The following PARVA variants were observed in gnomAD, a reference collection of about 807,000 sequenced individuals.
PARVA encodes the protein parvin alpha.
Under a neutral mutation model 52.6 loss-of-function variants are expected in PARVA, and 25 were observed. The observed-to-expected ratio is 0.48, with a 90% CI of 0.35 to 0.66. PARVA has a LOEUF of 0.66. PARVA is among the 30% of genes least tolerant of loss of function. The pLI is 0.01. For synonymous variants in PARVA, 185 were observed against 179.1 expected, an observed-to-expected ratio of 1.03 and a Z score of -0.26; for missense variants, 373 against 450.9, an observed-to-expected ratio of 0.83 and a Z score of 1.56.
intron 1 of PARVA, among the ~76,000 whole-genome samples, chr11:12,398,644 T>C (rs1300963633): frequency 6.6e-6 from 1 of 151,650 alleles, no homozygotes; most frequent in Non-Finnish European, 1.5e-5. Flanking sequence ...GACATGTCAG[T>C]TCATTTCTCT....
In PARVA at chr11:12,533,015, G is replaced by A. The variant is rs912342070; in HGVS notation, c.*5090G>A. The stretch of plus-strand genomic sequence containing the variant: ...ATGTCATACCATGGTCCTGGCTGGG[G>A]AGCGGAGGAGACCAGGAGAGGAGAT... On this transcript the variant is annotated 3_prime_UTR_variant, in exon 13 of 13. Transcript: ENST00000334956. Among the ~76,000 whole-genome samples, 1 of 152,190 alleles carries A rather than the reference G, an allele frequency of 6.6e-6. No individual in the cohort carries two copies. Among genetic ancestry groups the A allele is most frequent in the African/African-American group, 2.4e-5 (1 of 41,434 alleles).
intron 10 of PARVA, among the ~76,000 whole-genome samples, chr11:12,515,978 A>C (rs1466912282): frequency 6.6e-6 from 1 of 152,180 alleles, no homozygotes; most frequent in Non-Finnish European, 1.5e-5. Flanking sequence ...CTGGGACTAC[A>C]GGCATGCACC....
rs1941752295 is a variant in PARVA at position 12,530,096 on chromosome 11, C to A, written c.*2171C>A. The A allele has an allele frequency of 6.6e-6, 1 of 152,028 alleles. No homozygotes were observed. The highest frequency in any genetic ancestry group is 1.5e-5 in the Non-Finnish European group (1 of 68,016). 9.4% of individuals were successfully genotyped at this position (152,028 alleles called of 1,614,324 possible). A position where few individuals can be genotyped will look rare whatever the true frequency, so the allele number is the denominator to read the frequency against. ...ATTCAAGTTACAAATGTACAAGTAT[C>A]CTTACTAAGAGTGCTCCTTTTGTAT... On this transcript the variant is annotated 3_prime_UTR_variant, in exon 13 of 13. Transcript: ENST00000334956.
At chr11:12,491,015 A>G (rs1045366669) in intron 4 of PARVA, among the ~76,000 whole-genome samples, 1 of 152,230 alleles carries the variant, frequency 6.6e-6, no homozygotes, top group African/African-American at 2.4e-5. Flanking sequence ...ATCCAAAAAA[A>G]AACAAGGCTG....
intron 1 of PARVA, among the ~76,000 whole-genome samples, chr11:12,443,783 T>G (rs1564848405): frequency 6.6e-6 from 1 of 152,166 alleles, no homozygotes; most frequent in South Asian, 2.1e-4. Context: ...TTAGGCAATA[T>G]GGCCACCATT....
At chr11:12,457,213 G>C (rs1229567284) in intron 1 of PARVA, among the ~76,000 whole-genome samples, 1 of 151,450 alleles carries the variant, frequency 6.6e-6, no homozygotes, top group African/African-American at 2.5e-5. Flanking sequence ...CAGAACGTCA[G>C]ACAGGCAGTT....
chr11:12,416,370 C>A (rs1474078414), intron 1 of PARVA, among the ~76,000 whole-genome samples: 1 of 152,186 alleles, frequency 6.6e-6, no homozygotes, highest in East Asian at 1.9e-4. Context: ...AACAGCCCCT[C>A]TGGTGGAAAT....
chr11:12,383,241 C>CT (rs1382673935), intron 1 of PARVA, among the ~76,000 whole-genome samples: 1 of 152,090 alleles, frequency 6.6e-6, no homozygotes, highest in East Asian at 1.9e-4. Context: ...TGTGTGGATT[C>CT]TTTCACTGCC....
intron 10 of PARVA, among the ~76,000 whole-genome samples, chr11:12,515,505 C>A (rs901451567): frequency 5.9e-5 from 9 of 152,168 alleles, no homozygotes; most frequent in Non-Finnish European, 1.0e-4. Context: ...GGGGTCACTG[C>A]CAAGCACTTT....
chr11:12,453,092 G>GC, intron 1 of PARVA: 2 of 453,506 alleles, frequency 4.4e-6, no homozygotes, highest in Middle Eastern at 3.3e-4. Flanking sequence ...TTGTTGGGGG[G>GC]GCGCCCTGGC....
chr11:12,428,491 C>G (rs1327207273), intron 1 of PARVA, among the ~76,000 whole-genome samples: 1 of 152,224 alleles, frequency 6.6e-6, no homozygotes, highest in Non-Finnish European at 1.5e-5. Context: ...TCTCAAGTCA[C>G]TATCTTTGAC....
At chr11:12,473,056 G>A (rs1458937798) in intron 1 of PARVA, among the ~76,000 whole-genome samples, 1 of 152,166 alleles carries the variant, frequency 6.6e-6, no homozygotes, top group African/African-American at 2.4e-5. Flanking sequence ...CTGTAAAAGA[G>A]CTTACTGTTC....
chr11:12,438,296 G>A (rs1388121012), intron 1 of PARVA, among the ~76,000 whole-genome samples: 1 of 151,936 alleles, frequency 6.6e-6, no homozygotes, highest in Non-Finnish European at 1.5e-5. Context: ...ACATAGACTG[G>A]TTTTTGGCTC....
rs376407382 is a variant in PARVA, at chr11:12,477,827, C to T, written c.298-20C>T. Reference sequence around the variant, plus strand: ...AACTCTTTTCTTACTATTGCACATTCCCTTTCTCTCTCTCTGTAGGTATTA... The same window carrying T: ...AACTCTTTTCTTACTATTGCACATTTCCTTTCTCTCTCTCTGTAGGTATTA... On this transcript the variant is annotated intron_variant, in intron 3 of 12. Coordinates refer to ENST00000334956, the MANE Select transcript of PARVA (RefSeq NM_018222.5). 2.3e-6 allele frequency: 3 copies of T among 1,290,230 alleles called. No individual in the cohort carries two copies. The highest frequency in any genetic ancestry group is 3.4e-6 in the Non-Finnish European group (3 of 884,336). The allele number at this position is 1,290,230 out of a possible 1,614,324, so 79.9% of individuals were successfully genotyped here. A position where few individuals can be genotyped will look rare whatever the true frequency, so the allele number is the denominator to read the frequency against.
At chr11:12,409,725 T>C (rs11601787) in intron 1 of PARVA, among the ~76,000 whole-genome samples, 1 of 152,236 alleles carries the variant, frequency 6.6e-6, no homozygotes, top group Admixed American at 6.5e-5. Flanking sequence ...TGCCAGCATG[T>C]TGATTTTAGC....
rs1050029907 is a variant in PARVA, at chr11:12,530,322, A to C, written c.*2397A>C. 6 of 152,202 alleles carry C rather than the reference A, an allele frequency of 3.9e-5. No homozygotes were observed. The highest frequency in any genetic ancestry group is 7.3e-5 in the Non-Finnish European group (5 of 68,040). 9.4% of individuals were successfully genotyped at this position (152,202 alleles called of 1,614,324 possible). A position where few individuals can be genotyped will look rare whatever the true frequency, so the allele number is the denominator to read the frequency against. On this transcript the variant is annotated 3_prime_UTR_variant, in exon 13 of 13. Coordinates refer to ENST00000334956, the MANE Select transcript of PARVA (RefSeq NM_018222.5). The stretch of plus-strand genomic sequence containing the variant: ...CCTGGAATCTCCTACTTAATATATG[A>C]CCATGACTTTGAAAGGCAAAAGAGG...
At chr11:12,385,034 G>A (rs1939551573) in intron 1 of PARVA, among the ~76,000 whole-genome samples, 2 of 152,122 alleles carry the variant, frequency 1.3e-5, no homozygotes, top group Admixed American at 1.3e-4. Context: ...AGGGAGATGA[G>A]GCAAAAGGTT....
In PARVA at chr11:12,377,796, A is replaced by AGGCC; in HGVS notation, c.136+20_136+23dup. On this transcript the variant is annotated intron_variant, in intron 1 of 12. Coordinates refer to ENST00000334956, the MANE Select transcript of PARVA (RefSeq NM_018222.5). ...AAAGCCAAGGAGGGTGAGTGCGGCC[A>AGGCC]GGCCGGCCGGGCGGGCGGTAGGAGC... The AGGCC allele has an allele frequency of 3.4e-6, 5 of 1,480,170 alleles. No homozygotes were observed. The highest frequency in any genetic ancestry group is 4.5e-6 in the Non-Finnish European group (5 of 1,116,560). The allele number at this position is 1,480,170 out of a possible 1,614,324, so 91.7% of individuals were successfully genotyped here.
chr11:12,498,098 A>G (rs754080075), intron 5 of PARVA, among the ~76,000 whole-genome samples: 6 of 152,076 alleles, frequency 3.9e-5, no homozygotes, highest in Non-Finnish European at 8.8e-5. Flanking sequence ...CAGTGGTGCA[A>G]TCTCAGCTCA....
Sources: gnomAD v4.1 joint callset for allele counts (sites outside exome capture counted in the v4.1 genomes callset) on GRCh38, gnomAD v4.1.1 for gene constraint, MANE v1.5 for transcripts, NCBI Gene and HGNC (gene_info 2026-07-23, HGNC 2026-07-21) for gene names.